ZFYVE28: variants seen among roughly 807,000 people sequenced by gnomAD.
ZFYVE28 encodes the protein lateral signaling target protein 2 homolog.
ZFYVE28 carries 40 observed loss-of-function variants against 82.1 expected under a neutral mutation model. The ratio of observed to expected loss-of-function variants is 0.49; its 90% CI spans 0.38 to 0.63. The LOEUF (loss-of-function observed/expected upper bound fraction) is 0.63. ZFYVE28 is among the 30% of genes least tolerant of loss of function. ZFYVE28 has a pLI of 0.00. For missense variants in ZFYVE28, 1,321 were observed against 1,242.1 expected (o/e 1.06, Z -0.96); for synonymous variants, 612 against 546.1 (o/e 1.12, Z -1.68).
At chr4:2,405,437 G>C (rs182703275) in intron 1 of ZFYVE28, among the ~76,000 whole-genome samples, 1 of 152,266 alleles carries the variant, frequency 6.6e-6, no homozygotes, top group East Asian at 1.9e-4. Context: ...GCTGCAGATC[G>C]ACTGTGCTGA....
At position 2,394,139 on chromosome 4, in the gene ZFYVE28, T is replaced by A. The variant is rs1341332928; in HGVS notation, c.39+24146A>T. Among the ~76,000 whole-genome samples, 1 of 152,120 alleles carries A rather than the reference T, an allele frequency of 6.6e-6. No individual in the cohort carries two copies. Among genetic ancestry groups the A allele is most frequent in the Non-Finnish European group, 1.5e-5 (1 of 67,994 alleles). On this transcript the variant is annotated intron_variant, in intron 1 of 12. Coordinates refer to ENST00000290974, the MANE Select transcript of ZFYVE28 (RefSeq NM_020972.3). This position sits in a 1 kb window ranked among gnomAD's most constrained non-coding sequence, Gnocchi z 4.0. ...CAGCTCCTCTGACTCTCCTGCCCCCTTCTCCACTACTGAGGACTCCTGTGG... is the reference window on the plus strand; with the variant it reads ...CAGCTCCTCTGACTCTCCTGCCCCCATCTCCACTACTGAGGACTCCTGTGG...
At chr4:2,388,198 A>T (rs1354628870) in intron 1 of ZFYVE28, among the ~76,000 whole-genome samples, 1 of 152,190 alleles carries the variant, frequency 6.6e-6, no homozygotes, top group Non-Finnish European at 1.5e-5. Context: ...CAAAGCCGGG[A>T]CACAAATTCA....
In ZFYVE28 at chr4:2,416,612, G is replaced by A. The variant is rs1009883685; in HGVS notation, c.39+1673C>T. Among the ~76,000 whole-genome samples the A allele has an allele frequency of 6.6e-6, 1 of 152,212 alleles. No homozygotes were observed. Among genetic ancestry groups the A allele is most frequent in the Non-Finnish European group, 1.5e-5 (1 of 68,034 alleles). ...AGGCCACCGCCCTACCCCGGCAGAG[G>A]CACATGGGGGCAGCAGGCAGGACCG... is the stretch of plus-strand genomic sequence containing the variant. On this transcript the variant is annotated intron_variant, in intron 1 of 12. Coordinates refer to ENST00000290974, the MANE Select transcript of ZFYVE28 (RefSeq NM_020972.3). The surrounding 1 kb of genome is among the most constrained non-coding windows in gnomAD (Gnocchi z 4.6).
chr4:2,271,410 G>A lies in ZFYVE28; in HGVS notation c.2433C>T (p.Pro811=). The change falls in exon 12 of 13, where the codon CCC becomes CCT. Residue 811 remains proline (P), a synonymous_variant. Transcript: ENST00000290974. ...AGGCCTCGTCTGGCACCCACTCCGG[G>A]GGGTCTGTCACAACAACAGCAGCGT... ...AKTRDGDFED[P]PEWVPDEACG... 10 of 1,612,688 alleles carry A rather than the reference G, an allele frequency of 6.2e-6. No individual in the cohort carries two copies. The highest frequency in any genetic ancestry group is 8.5e-6 in the Non-Finnish European group (10 of 1,179,810).
At chr4:2,389,467 G>C (rs1214130616) in intron 1 of ZFYVE28, among the ~76,000 whole-genome samples, 1 of 152,198 alleles carries the variant, frequency 6.6e-6, no homozygotes, top group Non-Finnish European at 1.5e-5. Flanking sequence ...GAGCCCCATG[G>C]TCTCCTATGG....
chr4:2,292,628 A>C (rs961491117), intron 8 of ZFYVE28, among the ~76,000 whole-genome samples: 12 of 152,232 alleles, frequency 7.9e-5, no homozygotes, highest in African/African-American at 2.9e-4. Context: ...ATGATAATTC[A>C]ACAGACAGTC....
chr4:2,351,158 A>AGG (rs1362748622), intron 2 of ZFYVE28, among the ~76,000 whole-genome samples: 2 of 152,006 alleles, frequency 1.3e-5, no homozygotes, highest in Admixed American at 1.3e-4. Flanking sequence ...GTGGGTTCTG[A>AGG]GGTCACTCCG....
At chr4:2,280,284 G>A (rs2108802863) in intron 8 of ZFYVE28, among the ~76,000 whole-genome samples, 1 of 152,302 alleles carries the variant, frequency 6.6e-6, no homozygotes, top group Middle Eastern at 3.4e-3. Context: ...GAGGCGGGAG[G>A]ATCACTTGAG....
At chr4:2,340,036 C>T (rs1387187556) in intron 3 of ZFYVE28, among the ~76,000 whole-genome samples, 1 of 152,050 alleles carries the variant, frequency 6.6e-6, no homozygotes, top group African/African-American at 2.4e-5. Context: ...CGCTCCCCGT[C>T]CAGGCCACAG....
At chr4:2,307,768 A>G (rs1001108632) in intron 7 of ZFYVE28, among the ~76,000 whole-genome samples, 3 of 152,194 alleles carry the variant, frequency 2.0e-5, no homozygotes, top group Admixed American at 1.3e-4. Context: ...TGCTGGGATT[A>G]CGGCATGAGC....
At chr4:2,288,319 C>T (rs1713071547) in intron 8 of ZFYVE28, among the ~76,000 whole-genome samples, 1 of 152,236 alleles carries the variant, frequency 6.6e-6, no homozygotes, top group African/African-American at 2.4e-5. Flanking sequence ...CAACAGGTGA[C>T]ACTAGAACGG....
At chr4:2,367,657 A>AC (rs1353478349) in intron 1 of ZFYVE28, among the ~76,000 whole-genome samples, 1 of 152,140 alleles carries the variant, frequency 6.6e-6, no homozygotes, top group Non-Finnish European at 1.5e-5. Flanking sequence ...GGCCAAGAGA[A>AC]CCCCACAGTG....
intron 6 of ZFYVE28, among the ~76,000 whole-genome samples, chr4:2,327,273 T>TCGA (rs1422976782): frequency 7.5e-5 from 2 of 26,570 alleles, no homozygotes; most frequent in African/African-American, 2.9e-4. Context: ...TATATATATA[T>TCGA]ATATATATAT....
At chr4:2,294,056 A>G (rs1372660704) in intron 8 of ZFYVE28, among the ~76,000 whole-genome samples, 4 of 151,282 alleles carry the variant, frequency 2.6e-5, no homozygotes, top group Non-Finnish European at 4.4e-5. Flanking sequence ...ACATAATCCC[A>G]ATCAAAATCC....
intron 1 of ZFYVE28, among the ~76,000 whole-genome samples, chr4:2,386,661 A>C (rs567129332): frequency 1.3e-5 from 2 of 152,310 alleles, no homozygotes; most frequent in South Asian, 4.1e-4. Context: ...TGGGGTCTCC[A>C]GAGTCCCTCC....
At chr4:2,401,704 C>T (rs1236358351) in intron 1 of ZFYVE28, among the ~76,000 whole-genome samples, 2 of 152,184 alleles carry the variant, frequency 1.3e-5, no homozygotes, top group African/African-American at 4.8e-5. Context: ...GTCCCCTCGC[C>T]GCCCCGCACC....
At chr4:2,327,572 T>G (rs1284945620) in intron 6 of ZFYVE28, among the ~76,000 whole-genome samples, 1 of 151,974 alleles carries the variant, frequency 6.6e-6, no homozygotes, top group Non-Finnish European at 1.5e-5. Context: ...TTTTTTCTGT[T>G]TTACATTTTC....
chr4:2,328,008 A>G (rs567532542), intron 6 of ZFYVE28, among the ~76,000 whole-genome samples: 1 of 152,338 alleles, frequency 6.6e-6, no homozygotes, highest in Admixed American at 6.5e-5. Context: ...AGGTTCCTCA[A>G]AAAAACTACA....
chr4:2,363,977 T>C (rs1172786868), intron 1 of ZFYVE28, among the ~76,000 whole-genome samples: 1 of 152,208 alleles, frequency 6.6e-6, no homozygotes, highest in Non-Finnish European at 1.5e-5. Flanking sequence ...AGACTTATCC[T>C]GTGACCCGGT....
Sources: gnomAD v4.1 joint callset for allele counts (sites outside exome capture counted in the v4.1 genomes callset) on GRCh38, gnomAD v4.1.1 for gene constraint, Gnocchi (gnomAD v3.1) non-coding constraint, MANE v1.5 for transcripts, NCBI Gene and HGNC (gene_info 2026-07-23, HGNC 2026-07-21) for gene names.